Variants in ST6GALNAC5 observed in about 807,000 individuals in gnomAD.
ST6GALNAC5 encodes the protein alpha-N-acetylgalactosaminide alpha-2,6-sialyltransferase 5.
In ST6GALNAC5, 27 loss-of-function variants were observed where a neutral mutation model predicts 33.6. The ratio of observed to expected loss-of-function variants is 0.80; its 90% CI spans 0.59 to 1.11. ST6GALNAC5 has a LOEUF of 1.11. ST6GALNAC5 is among the 50% of genes least tolerant of loss of function. ST6GALNAC5 has a pLI of 0.00. For synonymous variants in ST6GALNAC5, 194 were observed against 171.2 expected (o/e 1.13, Z -1.04); for missense variants, 428 against 454.0 (o/e 0.94, Z 0.52).
intron 2 of ST6GALNAC5, among the ~76,000 whole-genome samples, chr1:76,906,434 G>C (rs578107191): frequency 6.6e-6 from 1 of 152,068 alleles, no homozygotes; most frequent in African/African-American, 2.4e-5. Flanking sequence ...AATTGAGAAA[G>C]GCAGTTAAAA....
chr1:77,047,987 G>A (rs915704322), intron 3 of ST6GALNAC5, among the ~76,000 whole-genome samples: 1 of 152,204 alleles, frequency 6.6e-6, no homozygotes, highest in African/African-American at 2.4e-5. Context: ...GTTTTAGAAA[G>A]ACAGCACAAA....
chr1:76,966,870 A>G (rs1648512363), intron 2 of ST6GALNAC5, among the ~76,000 whole-genome samples: 2 of 152,142 alleles, frequency 1.3e-5, no homozygotes, highest in Admixed American at 6.6e-5. Flanking sequence ...GGTTTCTGTC[A>G]TTGGTTCTGT....
At chr1:76,981,654 T>C (rs1243036243) in intron 2 of ST6GALNAC5, among the ~76,000 whole-genome samples, 1 of 56,724 alleles carries the variant, frequency 1.8e-5, no homozygotes, top group Non-Finnish European at 3.8e-5. Flanking sequence ...AGCATTGCAT[T>C]TGAGCTCGAG....
chr1:76,885,538 G>T (rs572602563), intron 2 of ST6GALNAC5, among the ~76,000 whole-genome samples: 1 of 152,264 alleles, frequency 6.6e-6, no homozygotes, highest in South Asian at 2.1e-4. Context: ...AGCAGTGCAC[G>T]TGATCAGTGG....
At chr1:76,894,565 T>G (rs757399493) in intron 2 of ST6GALNAC5, among the ~76,000 whole-genome samples, 1 of 152,216 alleles carries the variant, frequency 6.6e-6, no homozygotes, top group Non-Finnish European at 1.5e-5. Context: ...TATTGCCACT[T>G]GTAACTCAGC....
At chr1:76,901,381 C>A (rs776748340) in intron 2 of ST6GALNAC5, among the ~76,000 whole-genome samples, 14 of 152,120 alleles carry the variant, frequency 9.2e-5, no homozygotes, top group Non-Finnish European at 1.9e-4. Flanking sequence ...TGTCTCCAGC[C>A]CAGGAAGCAG....
rs951046170 is a variant in ST6GALNAC5 at position 77,066,404 on chromosome 1, A to C, written c.*3198A>C. 1.3e-5 allele frequency among the ~76,000 whole-genome samples: 2 copies of C among 152,214 alleles called. No homozygotes were observed. Among genetic ancestry groups the C allele is most frequent in the Admixed American group, 6.5e-5 (1 of 15,280 alleles). ...TCCATTACTGATCTATTTGAATGAC[A>C]TGAGAATGGAGGGAAATAATCTCAT... is the stretch of plus-strand genomic sequence containing the variant. On this transcript the variant is annotated 3_prime_UTR_variant, in exon 5 of 5. Coordinates refer to ENST00000477717, the MANE Select transcript of ST6GALNAC5 (RefSeq NM_030965.3).
At chr1:77,056,819 T>C (rs1332969951) in intron 4 of ST6GALNAC5, among the ~76,000 whole-genome samples, 1 of 152,170 alleles carries the variant, frequency 6.6e-6, no homozygotes, top group East Asian at 1.9e-4. Context: ...TGCAGGCTCT[T>C]GGTGCTCCAT....
intron 2 of ST6GALNAC5, among the ~76,000 whole-genome samples, chr1:76,920,600 T>C (rs1647024300): frequency 6.6e-6 from 1 of 152,176 alleles, no homozygotes; most frequent in Admixed American, 6.6e-5. Flanking sequence ...TTCATAGAAG[T>C]TCCCACTCTT....
Position 76,868,571 on chromosome 1 carries a change from C to A in ST6GALNAC5, c.90C>A (p.Gly30=). The change falls in exon 2 of 5, where the codon GGC becomes GGA. Residue 30 remains glycine, a synonymous_variant. Coordinates refer to ENST00000477717, the MANE Select transcript of ST6GALNAC5 (RefSeq NM_030965.3). This position sits in a 1 kb window ranked among gnomAD's most constrained non-coding sequence, Gnocchi z 4.3. ...TGTTGCTAGTGTACAGCAGCCTCGG[C>A]GGCCAGAAGGAGCGGCCCCCGCAGC... ...TSLLLVYSSL[G]GQKERPPQQQ... is the part of the protein sequence containing the mutation. 1.9e-6 allele frequency: 3 copies of A among 1,613,118 alleles called. No homozygotes were observed. Among genetic ancestry groups the A allele is most frequent in the Non-Finnish European group, 2.5e-6 (3 of 1,179,600 alleles).
chr1:76,897,161 T>C (rs141220541), intron 2 of ST6GALNAC5, among the ~76,000 whole-genome samples: 2,019 of 152,154 alleles, frequency 0.013, 45 homozygotes, highest in African/African-American at 0.046. Flanking sequence ...GCCTAGGTAA[T>C]TTGCTGAGCT....
At chr1:76,998,310 C>A (rs992408927) in intron 2 of ST6GALNAC5, among the ~76,000 whole-genome samples, 1 of 151,996 alleles carries the variant, frequency 6.6e-6, no homozygotes, top group South Asian at 2.1e-4. Flanking sequence ...GCAGGAGGAT[C>A]GCTTGAGCCC....
chr1:77,011,550 A>G (rs1650635179), intron 2 of ST6GALNAC5, among the ~76,000 whole-genome samples: 1 of 152,202 alleles, frequency 6.6e-6, no homozygotes, highest in African/African-American at 2.4e-5. Flanking sequence ...GGTACTTTAC[A>G]AGGTTATACT....
At chr1:76,896,433 G>A (rs1040347180) in intron 2 of ST6GALNAC5, among the ~76,000 whole-genome samples, 10 of 152,158 alleles carry the variant, frequency 6.6e-5, no homozygotes, top group African/African-American at 2.4e-5. Flanking sequence ...AGATTTCCAC[G>A]ATGGAAAGAA....
chr1:76,912,601 G>T (rs1397896309), intron 2 of ST6GALNAC5, among the ~76,000 whole-genome samples: 4 of 150,692 alleles, frequency 2.7e-5, no homozygotes, highest in Non-Finnish European at 5.9e-5. Context: ...TATGAATCTG[G>T]GTGTTCCTGT....
chr1:76,955,061 T>C (rs1324530543), intron 2 of ST6GALNAC5, among the ~76,000 whole-genome samples: 2 of 152,054 alleles, frequency 1.3e-5, no homozygotes, highest in Non-Finnish European at 2.9e-5. Context: ...AGTGAACAAA[T>C]AAGCACATTA....
chr1:76,886,544 G>A (rs946390534), intron 2 of ST6GALNAC5, among the ~76,000 whole-genome samples: 5 of 152,112 alleles, frequency 3.3e-5, no homozygotes, highest in East Asian at 1.9e-4. Context: ...GTGAATCTGC[G>A]AAGACCAGTA....
chr1:76,873,194 C>A (rs1653549493), intron 2 of ST6GALNAC5, among the ~76,000 whole-genome samples: 1 of 152,170 alleles, frequency 6.6e-6, no homozygotes, highest in Non-Finnish European at 1.5e-5. Context: ...TCCCCAAGGT[C>A]TTTTGCATGG....
chr1:77,009,907 A>G (rs67296422), intron 2 of ST6GALNAC5, among the ~76,000 whole-genome samples: 10,268 of 152,110 alleles, frequency 0.068, 595 homozygotes, highest in Admixed American at 0.19. Context: ...ATTCTTTCCA[A>G]TTTCTAGACT....
Sources: gnomAD v4.1 joint callset for allele counts (sites outside exome capture counted in the v4.1 genomes callset) on GRCh38, gnomAD v4.1.1 for gene constraint, Gnocchi (gnomAD v3.1) non-coding constraint, MANE v1.5 for transcripts, NCBI Gene and HGNC (gene_info 2026-07-23, HGNC 2026-07-21) for gene names.